SHISA5: variants seen among roughly 807,000 people sequenced by gnomAD.
The protein encoded by SHISA5 is protein shisa-5.
Under a neutral mutation model 27.5 loss-of-function variants are expected in SHISA5, and 21 were observed. The ratio of observed to expected loss-of-function variants is 0.76; its 90% CI spans 0.54 to 1.10. SHISA5 has a LOEUF of 1.10. Ranked by LOEUF, SHISA5 falls within the 50% of genes least tolerant of loss-of-function variation. The probability of loss-of-function intolerance (pLI) is 0.00; values close to 1 mark genes in which losing one functional copy is unlikely to be tolerated. For synonymous variants in SHISA5, 137 were observed against 142.2 expected, an observed-to-expected ratio of 0.96 and a Z score of 0.26; for missense variants, 314 against 336.3, an observed-to-expected ratio of 0.93 and a Z score of 0.52.
At chr3:48,501,097 G>T (rs2041739053) in intron 2 of SHISA5, 40 bp downstream of exon 2, 2 of 1,575,622 alleles carry the variant, frequency 1.3e-6, no homozygotes, top group Admixed American at 1.9e-5. Flanking sequence ...GTGGGGCACA[G>T]GCTCAAGCCA....
chr3:48,499,013 T>C lies in SHISA5; in HGVS notation c.233+2124A>G, dbSNP rs1289350045. 3.6e-5 allele frequency among the ~76,000 whole-genome samples: 5 copies of C among 137,378 alleles called. No homozygotes were observed. The Admixed American group carries it at 4.0e-4, about 11-fold the overall frequency. The allele number at this position is 137,378 out of a possible 152,430, so 90.1% of individuals were successfully genotyped here. A position where few individuals can be genotyped will look rare whatever the true frequency, so the allele number is the denominator to read the frequency against. ...AGGAGAATTGTTTGAACTCAGGAGG[T>C]GGAGGTTGTGGTGAGCCAAGAACAC... is the stretch of plus-strand genomic sequence containing the variant. On this transcript the variant is annotated intron_variant, in intron 2 of 5. Transcript: ENST00000296444.
intron 2 of SHISA5, among the ~76,000 whole-genome samples, chr3:48,484,131 C>T (rs879332726): frequency 3.9e-5 from 6 of 152,120 alleles, no homozygotes; most frequent in African/African-American, 7.2e-5. Flanking sequence ...GTATTGGTAA[C>T]GGGAAGTGGG....
At chr3:48,493,101 TG>T (rs2041477188) in intron 2 of SHISA5, among the ~76,000 whole-genome samples, 1 of 137,948 alleles carries the variant, frequency 7.2e-6, no homozygotes, top group Non-Finnish European at 1.5e-5. Flanking sequence ...AACGGCACAA[TG>T]GGGTATTACA....
upstream of SHISA5, chr3:48,504,345 G>A (rs1321183638): frequency 8.7e-6 from 3 of 345,990 alleles, no homozygotes; most frequent in South Asian, 4.5e-4. This position sits in a 1 kb window ranked among gnomAD's most constrained non-coding sequence, Gnocchi z 4.0. Flanking sequence ...TTCGCGCCCG[G>A]GGTCTGCGCG....
intron 2 of SHISA5, among the ~76,000 whole-genome samples, chr3:48,498,143 T>C (rs2041614793): frequency 1.3e-5 from 2 of 152,206 alleles, no homozygotes; most frequent in African/African-American, 4.8e-5. Flanking sequence ...AAAAAGCATT[T>C]GACATAATTC....
chr3:48,485,410 G>A (rs1345531951), intron 2 of SHISA5, among the ~76,000 whole-genome samples: 2 of 151,120 alleles, frequency 1.3e-5, no homozygotes, highest in South Asian at 2.1e-4. Context: ...CAGGAGAATC[G>A]CTTGAACCTG....
At chr3:48,493,975 C>T (rs948871805) in intron 2 of SHISA5, among the ~76,000 whole-genome samples, 1,630 of 147,508 alleles carry the variant, frequency 0.011, 279 homozygotes, top group African/African-American at 0.042. Flanking sequence ...GTGGTGAGAA[C>T]ACTCAAAATC....
At chr3:48,484,590 CA>C (rs1219457461) in intron 2 of SHISA5, among the ~76,000 whole-genome samples, 1 of 149,264 alleles carries the variant, frequency 6.7e-6, no homozygotes, top group Non-Finnish European at 1.5e-5. Flanking sequence ...GACACTGTCT[CA>C]AAACCAAAAA....
intron 2 of SHISA5, among the ~76,000 whole-genome samples, chr3:48,499,579 C>G (rs2041689300): frequency 6.7e-6 from 1 of 149,428 alleles, no homozygotes; most frequent in Non-Finnish European, 1.5e-5. Flanking sequence ...ACTTGGGAGG[C>G]TGAGGTAGGA....
intron 3 of SHISA5, among the ~76,000 whole-genome samples, chr3:48,471,616 T>A (rs998982948): frequency 8.7e-5 from 13 of 149,638 alleles, no homozygotes; most frequent in African/African-American, 2.7e-4. Context: ...TAAAAGATTT[T>A]AAAAAATAAA....
At chr3:48,497,030 G>A (rs919395537) in intron 2 of SHISA5, among the ~76,000 whole-genome samples, 1 of 151,734 alleles carries the variant, frequency 6.6e-6, no homozygotes, top group Non-Finnish European at 1.5e-5. Context: ...AAGAGTTTGA[G>A]ACCAGCCTGG....
At chr3:48,503,913 T>C in intron 1 of SHISA5, 106 bp downstream of exon 1, 1 of 1,325,378 alleles carries the variant, frequency 7.5e-7, no homozygotes, top group Middle Eastern at 2.2e-4. Context: ...CAGGGGTCAG[T>C]GGGGGGCATA....
rs1441965494 is a variant in SHISA5 at position 48,468,134 on chromosome 3, G to A, written c.*973C>T. On this transcript the variant is annotated 3_prime_UTR_variant, in exon 6 of 6. Transcript: ENST00000296444. Reference sequence around the variant, plus strand: ...TTGCATATTCCATGAGGCTGGTGTCGGGAAGCAGGGACTCACAGTTGCCAG... The same window carrying A: ...TTGCATATTCCATGAGGCTGGTGTCAGGAAGCAGGGACTCACAGTTGCCAG... The A allele has an allele frequency of 1.0e-5, 10 of 997,824 alleles. No individual in the cohort carries two copies. The highest frequency in any genetic ancestry group is 1.7e-5 in the African/African-American group (1 of 57,354). 61.8% of individuals were successfully genotyped at this position (997,824 alleles called of 1,614,324 possible). A position where few individuals can be genotyped will look rare whatever the true frequency, so the allele number is the denominator to read the frequency against.
At chr3:48,488,417 TGGGG>T (rs2041317434) in intron 2 of SHISA5, among the ~76,000 whole-genome samples, 1 of 151,308 alleles carries the variant, frequency 6.6e-6, no homozygotes, top group African/African-American at 2.4e-5. Context: ...TTAGTAGAGA[TGGGG>T]TTTCACCATG....
intron 1 of SHISA5, chr3:48,502,414 G>C: frequency 6.6e-6 from 3 of 456,702 alleles, no homozygotes; most frequent in Non-Finnish European, 1.3e-5. Flanking sequence ...AGACCAGCCT[G>C]GGCAACAGGG....
chr3:48,481,135 T>G (rs1438464514), intron 2 of SHISA5, among the ~76,000 whole-genome samples: 1 of 151,542 alleles, frequency 6.6e-6, no homozygotes, highest in Non-Finnish European at 1.5e-5. Context: ...AATAAATAAA[T>G]AAGATGATAT....
At chr3:48,485,202 A>C (rs1008111393) in intron 2 of SHISA5, among the ~76,000 whole-genome samples, 2 of 151,880 alleles carry the variant, frequency 1.3e-5, no homozygotes, top group Non-Finnish European at 2.9e-5. Flanking sequence ...TAAAGAAAAG[A>C]AACCAGTGTG....
intron 2 of SHISA5, among the ~76,000 whole-genome samples, chr3:48,487,180 A>G (rs2041278699): frequency 2.0e-5 from 3 of 152,066 alleles, no homozygotes; most frequent in African/African-American, 7.2e-5. Context: ...GCGCCTGCCA[A>G]GAGTTTTCTA....
At chr3:48,492,081 G>T (rs966199313) in intron 2 of SHISA5, among the ~76,000 whole-genome samples, 1 of 146,726 alleles carries the variant, frequency 6.8e-6, no homozygotes, top group Non-Finnish European at 1.5e-5. Flanking sequence ...ACTGCTCAGG[G>T]TGTGGAGGTT....
Sources: allele counts gnomAD v4.1 joint callset (sites outside exome capture counted in the v4.1 genomes callset), GRCh38; gene constraint gnomAD v4.1.1; non-coding constraint Gnocchi (gnomAD v3.1); transcripts MANE v1.5; gene names NCBI Gene and HGNC (gene_info 2026-07-23, HGNC 2026-07-21).